PSMF1: variants seen among roughly 807,000 people sequenced by gnomAD.
PSMF1 encodes proteasome inhibitor PI31 subunit.
A neutral mutation model predicts 29.3 loss-of-function variants in PSMF1; 30 were observed. The observed-to-expected ratio is 1.02, with a 90% confidence interval of 0.77 to 1.39. The LOEUF (loss-of-function observed/expected upper bound fraction) is 1.39. Among genes scored for constraint, PSMF1 ranks in the 40% most tolerant of loss-of-function variants. PSMF1 has a pLI of 0.00. For missense variants in PSMF1, 344 were observed against 357.5 expected (o/e 0.96, Z 0.31); for synonymous variants, 134 against 139.7 (o/e 0.96, Z 0.29).
chr20:1,135,236 G>T lies in PSMF1; in HGVS notation c.481G>T (p.Ala161Ser). The part of the protein sequence containing the change: ...VSSPHREFPP[A>S]TAREVDPLRI... The stretch of plus-strand genomic sequence containing the variant: ...CAGTCCCCACCGGGAGTTCCCCCCT[G>T]CTACCGCCAGAGAGGTGGACCCACT... The change falls in exon 4 of 7, where the codon GCT (alanine) becomes TCT (serine). Residue 161 changes from alanine to serine, a missense_variant. Ala to Ser is a moderately conservative substitution (Grantham distance 99, BLOSUM62 1). Coordinates refer to ENST00000335877, the MANE Select transcript of PSMF1 (RefSeq NM_006814.5). The T allele has an allele frequency of 6.2e-7, 1 of 1,614,050 alleles. No homozygotes were observed. The highest frequency in any genetic ancestry group is 8.5e-7 in the Non-Finnish European group (1 of 1,179,992).
intron 1 of PSMF1, among the ~76,000 whole-genome samples, chr20:1,123,028 C>T (rs1315258975): frequency 1.3e-5 from 2 of 152,178 alleles, no homozygotes; most frequent in African/African-American, 2.4e-5. Context: ...TAAACATATT[C>T]GGGAAATTTA....
intron 4 of PSMF1, among the ~76,000 whole-genome samples, chr20:1,162,075 A>G (rs1188768973): frequency 6.6e-6 from 1 of 152,110 alleles, no homozygotes; most frequent in African/African-American, 2.4e-5. Context: ...TTCATGTGTC[A>G]GGGCTGAGTA....
intron 4 of PSMF1, among the ~76,000 whole-genome samples, chr20:1,153,664 T>C (rs186575268): frequency 1.1e-4 from 17 of 152,226 alleles, no homozygotes; most frequent in Non-Finnish European, 2.2e-4. Flanking sequence ...CAATCTGTTC[T>C]CTGACCTCTC....
intron 1 of PSMF1, among the ~76,000 whole-genome samples, chr20:1,121,537 G>T (rs1242362999): frequency 6.6e-6 from 1 of 152,092 alleles, no homozygotes; most frequent in African/African-American, 2.4e-5. Context: ...TAATTTTTCA[G>T]CCTGGGGCCA....
chr20:1,147,168 C>CATT (rs1555763475), intron 4 of PSMF1, among the ~76,000 whole-genome samples: 1 of 116,110 alleles, frequency 8.6e-6, no homozygotes, highest in East Asian at 2.1e-4. Flanking sequence ...TCATCATCAT[C>CATT]ATCATCATCA....
chr20:1,126,534 A>T (rs944744869), intron 2 of PSMF1, among the ~76,000 whole-genome samples: 2 of 152,096 alleles, frequency 1.3e-5, no homozygotes, highest in African/African-American at 4.8e-5. Flanking sequence ...TTGGTTTCAA[A>T]CAACAAAAAC....
intron 2 of PSMF1, among the ~76,000 whole-genome samples, chr20:1,126,163 T>C (rs2086153451): frequency 6.6e-6 from 1 of 152,212 alleles, no homozygotes; most frequent in Non-Finnish European, 1.5e-5. Context: ...CTAAATTATG[T>C]CTCTTTACGC....
intron 4 of PSMF1, among the ~76,000 whole-genome samples, chr20:1,142,095 G>A (rs1335298719): frequency 2.6e-5 from 4 of 152,086 alleles, no homozygotes; most frequent in South Asian, 2.1e-4. Context: ...GGTGGCGCAC[G>A]CCTGTAATCC....
chr20:1,118,982 C>A, intron 1 of PSMF1, 80 bp downstream of exon 1: 1 of 1,525,970 alleles, frequency 6.6e-7, no homozygotes, highest in South Asian at 1.2e-5. Flanking sequence ...TGGTCCAGAG[C>A]GCCCGATTTC....
chr20:1,117,962 GGTTT>G (rs1450855227), upstream of PSMF1: 1 of 152,256 alleles, frequency 6.6e-6, no homozygotes, highest in Non-Finnish European at 1.5e-5. Context: ...TTGGAGAAGT[GGTTT>G]CAACTCTGAG....
At chr20:1,136,402 G>A (rs1321265097) in intron 4 of PSMF1, among the ~76,000 whole-genome samples, 1 of 152,144 alleles carries the variant, frequency 6.6e-6, no homozygotes, top group African/African-American at 2.4e-5. Flanking sequence ...TTAAGAATAA[G>A]CCCTGGTCAG....
intron 4 of PSMF1, among the ~76,000 whole-genome samples, chr20:1,150,043 G>A (rs1345894564): frequency 6.7e-6 from 1 of 149,334 alleles, no homozygotes; most frequent in Non-Finnish European, 1.5e-5. Flanking sequence ...AGCTGGATGT[G>A]GTGGTGTGAC....
chr20:1,167,199 C>G lies in PSMF1; in HGVS notation c.*2119C>G, dbSNP rs917146807. ...TCAAGCTTATGGTGCTTATTTTGAT[C>G]TGGGCCACTTCCCTCCTTCCAGTCA... On this transcript the variant is annotated 3_prime_UTR_variant, in exon 7 of 7. Coordinates refer to ENST00000335877, the MANE Select transcript of PSMF1 (RefSeq NM_006814.5). 1.3e-5 allele frequency: 2 copies of G among 152,114 alleles called. No homozygotes were observed. The highest frequency in any genetic ancestry group is 2.9e-5 in the Non-Finnish European group (2 of 68,024). The allele number at this position is 152,114 out of a possible 1,614,324, so 9.4% of individuals were successfully genotyped here. A position where few individuals can be genotyped will look rare whatever the true frequency, so the allele number is the denominator to read the frequency against.
chr20:1,116,762 A>T (rs1273033406), upstream of PSMF1, among the ~76,000 whole-genome samples: 1 of 152,060 alleles, frequency 6.6e-6, no homozygotes, highest in African/African-American at 2.4e-5. Flanking sequence ...TCAGGTTATG[A>T]TTAATGCTTT....
rs778246231 is a variant in PSMF1, at chr20:1,125,828, A to G, written c.282+178A>G. On this transcript the variant is annotated intron_variant, in intron 2 of 6. Transcript: ENST00000335877. The stretch of plus-strand genomic sequence containing the variant: ...CTAAGTATAGAAAACCTTCGTGCAC[A>G]AAGGTATCCACCACCTGGAATTAAG... The G allele has an allele frequency of 1.2e-4, 96 of 815,452 alleles. 1 individual carries two copies. Among genetic ancestry groups the G allele is most frequent in the Non-Finnish European group, 1.8e-4 (90 of 488,334 alleles). 50.5% of individuals were successfully genotyped at this position (815,452 alleles called of 1,614,324 possible).
At position 1,165,983 on chromosome 20, in the gene PSMF1, T is replaced by G. The variant is rs907438973; in HGVS notation, c.*903T>G. ...TGCTCTAAAGCATTTTGATGTCTCA[T>G]TCTGTGTTTGGTAACCCCTATAAAC... On this transcript the variant is annotated 3_prime_UTR_variant, in exon 7 of 7. Coordinates refer to ENST00000335877, the MANE Select transcript of PSMF1 (RefSeq NM_006814.5). 5.7e-6 allele frequency: 8 copies of G among 1,404,270 alleles called. No homozygotes were observed. The highest frequency in any genetic ancestry group is 7.4e-6 in the Non-Finnish European group (8 of 1,079,634). 87.0% of individuals were successfully genotyped at this position (1,404,270 alleles called of 1,614,324 possible).
chr20:1,128,874 G>T (rs761929197), intron 3 of PSMF1, among the ~76,000 whole-genome samples: 1 of 151,284 alleles, frequency 6.6e-6, no homozygotes, highest in Non-Finnish European at 1.5e-5. Context: ...TAATTTTTGC[G>T]TTTTTTTGTT....
chr20:1,162,464 A>G (rs914818089), intron 4 of PSMF1, among the ~76,000 whole-genome samples: 75 of 152,314 alleles, frequency 4.9e-4, no homozygotes, highest in African/African-American at 1.8e-3. Context: ...CTATATCTAT[A>G]TATATTACAG....
rs142879145 is a variant in PSMF1, at chr20:1,156,144, A to C, written c.552-6986A>C. Among the ~76,000 whole-genome samples the C allele has an allele frequency of 4.6e-5, 7 of 152,378 alleles. No individual in the cohort carries two copies. The East Asian group carries it at 1.3e-3, about 29-fold the overall frequency. On this transcript the variant is annotated intron_variant, in intron 4 of 6. Coordinates refer to ENST00000335877, the MANE Select transcript of PSMF1 (RefSeq NM_006814.5). ...TGTAAGAAAATTTAAATCTCACTGCATAAATCAGTAATAGAATGGATTTGA... is the reference window on the plus strand; with the variant it reads ...TGTAAGAAAATTTAAATCTCACTGCCTAAATCAGTAATAGAATGGATTTGA...
Sources: allele counts gnomAD v4.1 joint callset (sites outside exome capture counted in the v4.1 genomes callset), GRCh38; gene constraint gnomAD v4.1.1; transcripts MANE v1.5; gene names NCBI Gene and HGNC (gene_info 2026-07-23, HGNC 2026-07-21).